Variants in KIF16B observed in about 807,000 individuals in gnomAD.
KIF16B encodes the protein kinesin-like protein KIF16B.
KIF16B carries 98 observed loss-of-function variants against 156.3 expected under a neutral mutation model. The observed-to-expected ratio is 0.63, with a 90% CI of 0.53 to 0.74. The LOEUF is 0.74. Among genes scored for constraint, KIF16B ranks in the 30% least tolerant of loss-of-function variants. The pLI, the probability that KIF16B is intolerant of heterozygous loss-of-function variation, is 0.00. For missense variants in KIF16B, 1,421 were observed against 1,606.5 expected (o/e 0.88, Z 1.97); for synonymous variants, 564 against 583.7 (o/e 0.97, Z 0.49).
At chr20:16,284,697 G>A (rs1054665266) in intron 25 of KIF16B, among the ~76,000 whole-genome samples, 6 of 152,062 alleles carry the variant, frequency 3.9e-5, no homozygotes, top group Admixed American at 6.5e-5. Context: ...ACGGCACCGG[G>A]GGGTCATTCT....
At chr20:16,492,280 CT>C (rs2068318592) in intron 12 of KIF16B, among the ~76,000 whole-genome samples, 1 of 152,184 alleles carries the variant, frequency 6.6e-6, no homozygotes, top group African/African-American at 2.4e-5. Flanking sequence ...ATTTGAGTAG[CT>C]CTCCTCTTCA....
intron 1 of KIF16B, among the ~76,000 whole-genome samples, chr20:16,571,001 G>A (rs1402232749): frequency 6.6e-6 from 1 of 152,208 alleles, no homozygotes; most frequent in African/African-American, 2.4e-5. Context: ...CTCTAGCAGA[G>A]GGATGGATGT....
intron 23 of KIF16B, among the ~76,000 whole-genome samples, chr20:16,347,808 C>T (rs1600181769): frequency 2.0e-5 from 3 of 152,308 alleles, no homozygotes; most frequent in South Asian, 2.1e-4. Context: ...GGGAGATAAT[C>T]CATCAGTTGC....
At chr20:16,493,730 A>G (rs2068366611) in intron 12 of KIF16B, among the ~76,000 whole-genome samples, 1 of 152,214 alleles carries the variant, frequency 6.6e-6, no homozygotes, top group Non-Finnish European at 1.5e-5. Context: ...ATTTTGAAGC[A>G]TTATGATAAA....
At chr20:16,364,787 A>T (rs1328117132) in intron 22 of KIF16B, among the ~76,000 whole-genome samples, 1 of 152,232 alleles carries the variant, frequency 6.6e-6, no homozygotes, top group Non-Finnish European at 1.5e-5. Flanking sequence ...TATGTGGTAC[A>T]ATCTGAACAT....
At chr20:16,335,505 A>G (rs1457884982) in intron 24 of KIF16B, among the ~76,000 whole-genome samples, 1 of 152,244 alleles carries the variant, frequency 6.6e-6, no homozygotes, top group Non-Finnish European at 1.5e-5. Flanking sequence ...CTCATTAAGT[A>G]TAAGACTAAG....
chr20:16,433,076 T>G (rs1461331811), intron 12 of KIF16B, among the ~76,000 whole-genome samples: 1 of 152,228 alleles, frequency 6.6e-6, no homozygotes, highest in Non-Finnish European at 1.5e-5. Flanking sequence ...ATTCATGTTT[T>G]TTCCTCCTGA....
intron 1 of KIF16B, among the ~76,000 whole-genome samples, chr20:16,528,671 C>A (rs1387140610): frequency 6.6e-6 from 1 of 152,030 alleles, no homozygotes; most frequent in Non-Finnish European, 1.5e-5. Flanking sequence ...TGTTGTTAAA[C>A]CCTGAAAGAA....
At chr20:16,406,507 T>C (rs1183504302) in intron 15 of KIF16B, 51 bp from the exon 16 acceptor site, 3 of 1,426,806 alleles carry the variant, frequency 2.1e-6, no homozygotes, top group Admixed American at 1.7e-5. Context: ...GTCTGGTCAG[T>C]TGCCAATACC....
intron 20 of KIF16B, among the ~76,000 whole-genome samples, chr20:16,373,327 A>G (rs1196066901): frequency 6.6e-6 from 1 of 152,218 alleles, no homozygotes; most frequent in Non-Finnish European, 1.5e-5. Context: ...CATTCTGAGT[A>G]CATTTTGATA....
At chr20:16,534,000 C>T (rs1262351803) in intron 1 of KIF16B, among the ~76,000 whole-genome samples, 3 of 152,166 alleles carry the variant, frequency 2.0e-5, no homozygotes, top group Non-Finnish European at 4.4e-5. Context: ...ATGGCTCCCG[C>T]CTGTAATCCC....
At chr20:16,333,148 T>C (rs2063978408) in intron 24 of KIF16B, among the ~76,000 whole-genome samples, 1 of 152,138 alleles carries the variant, frequency 6.6e-6, no homozygotes, top group African/African-American at 2.4e-5. Flanking sequence ...GCCTTTTTGT[T>C]CTTGGAACAA....
Position 16,280,841 on chromosome 20 carries a change from C to CGCGTGTGTGTGTGTGTGTGTGT in KIF16B, c.3796-7431_3796-7430insACACACACACACACACACACGC, listed in dbSNP as rs112026824. Among the ~76,000 whole-genome samples, 377 of 74,450 alleles carry CGCGTGTGTGTGTGTGTGTGTGT rather than the reference C, an allele frequency of 5.1e-3. 1 individual carries two copies. Among genetic ancestry groups the CGCGTGTGTGTGTGTGTGTGTGT allele is most frequent in the Non-Finnish European group, 7.1e-3 (263 of 37,148 alleles). The allele number at this position is 74,450 out of a possible 152,430, so 48.8% of individuals were successfully genotyped here. A position where few individuals can be genotyped will look rare whatever the true frequency, so the allele number is the denominator to read the frequency against. On this transcript the variant is annotated intron_variant, in intron 25 of 25. Coordinates refer to ENST00000354981, the MANE Select transcript of KIF16B (RefSeq NM_024704.5). ...ATTTCAGTCAACTGCTGCGCGCGCACGTGTGTGTGTGTGTGTGTGTGTGTG... is the reference window on the plus strand; with the variant it reads ...ATTTCAGTCAACTGCTGCGCGCGCACGCGTGTGTGTGTGTGTGTGTGTGTGTGTGTGTGTGTGTGTGTGTGTG...
intron 10 of KIF16B, among the ~76,000 whole-genome samples, chr20:16,502,940 C>T (rs1017442017): frequency 6.6e-6 from 1 of 152,140 alleles, no homozygotes; most frequent in South Asian, 2.1e-4. Context: ...CCAGGCTGGG[C>T]GCGGTGGCTC....
intron 17 of KIF16B, among the ~76,000 whole-genome samples, chr20:16,397,186 C>A (rs930186252): frequency 1.3e-5 from 2 of 152,214 alleles, no homozygotes; most frequent in African/African-American, 4.8e-5. Context: ...AAAGACGCTG[C>A]ACCAGCTGAG....
chr20:16,419,859 T>C (rs559403266), intron 15 of KIF16B, among the ~76,000 whole-genome samples: 7 of 152,220 alleles, frequency 4.6e-5, no homozygotes, highest in South Asian at 4.1e-4. Context: ...ATATTAAGTA[T>C]ATAAAACAGA....
At chr20:16,321,805 AG>A (rs780144470) in intron 24 of KIF16B, among the ~76,000 whole-genome samples, 1 of 152,086 alleles carries the variant, frequency 6.6e-6, no homozygotes, top group Non-Finnish European at 1.5e-5. Flanking sequence ...AGTATTCATG[AG>A]AAAACCCTTA....
intron 17 of KIF16B, among the ~76,000 whole-genome samples, chr20:16,385,149 A>G (rs964413127): frequency 1.3e-5 from 2 of 151,790 alleles, no homozygotes; most frequent in African/African-American, 4.8e-5. Flanking sequence ...GTGAGCTGAA[A>G]TCTTGCCACT....
At chr20:16,543,914 G>A (rs1029193897) in intron 1 of KIF16B, among the ~76,000 whole-genome samples, 5 of 152,154 alleles carry the variant, frequency 3.3e-5, no homozygotes, top group Admixed American at 3.3e-4. Flanking sequence ...AACTCAGTAA[G>A]CGATCAATAC....
Sources: gnomAD v4.1 joint callset for allele counts (sites outside exome capture counted in the v4.1 genomes callset) on GRCh38, gnomAD v4.1.1 for gene constraint, MANE v1.5 for transcripts, NCBI Gene and HGNC (gene_info 2026-07-23, HGNC 2026-07-21) for gene names.